The following KCNQ5 variants were observed in gnomAD, a reference collection of about 807,000 sequenced individuals.
KCNQ5 encodes the protein potassium voltage-gated channel subfamily Q member 5.
A neutral mutation model predicts 98.2 loss-of-function variants in KCNQ5; 30 were observed. The observed-to-expected ratio is 0.31, with a 90% CI of 0.23 to 0.41. The LOEUF (loss-of-function observed/expected upper bound fraction) is 0.41. Among genes scored for constraint, KCNQ5 ranks in the 10% least tolerant of loss-of-function variants. The pLI, the probability that KCNQ5 is intolerant of heterozygous loss-of-function variation, is 1.00. For missense variants in KCNQ5, 835 were observed against 1,182.5 expected (o/e 0.71, Z 4.31); for synonymous variants, 458 against 449.4 (o/e 1.02, Z -0.24).
intron 1 of KCNQ5, among the ~76,000 whole-genome samples, chr6:72,776,473 A>G (rs1395205541): frequency 6.6e-6 from 1 of 152,224 alleles, no homozygotes; most frequent in African/African-American, 2.4e-5. Context: ...GAGTGATGAA[A>G]TAGGGAATTT....
intron 1 of KCNQ5, among the ~76,000 whole-genome samples, chr6:72,740,763 C>G (rs906949095): frequency 2.6e-5 from 4 of 152,062 alleles, no homozygotes; most frequent in African/African-American, 9.7e-5. Flanking sequence ...GCTGCTGGTG[C>G]CATTTTGTGC....
At chr6:72,747,862 C>T (rs1189284125) in intron 1 of KCNQ5, among the ~76,000 whole-genome samples, 1 of 152,132 alleles carries the variant, frequency 6.6e-6, no homozygotes, top group Non-Finnish European at 1.5e-5. Context: ...CAAGATCCTA[C>T]TAGGTTTATA....
At chr6:72,956,020 T>TA (rs1338550351) in intron 1 of KCNQ5, among the ~76,000 whole-genome samples, 1 of 152,180 alleles carries the variant, frequency 6.6e-6, no homozygotes. Context: ...TATAATCTGA[T>TA]ATCACTGTTT....
chr6:73,119,804 A>T (rs1015896600), intron 7 of KCNQ5, among the ~76,000 whole-genome samples: 4 of 152,134 alleles, frequency 2.6e-5, no homozygotes, highest in Non-Finnish European at 4.4e-5. Flanking sequence ...TCGCTCACCT[A>T]ACTACTATCT....
intron 1 of KCNQ5, among the ~76,000 whole-genome samples, chr6:72,878,863 TTA>T (rs999224356): frequency 2.4e-4 from 36 of 152,324 alleles, no homozygotes; most frequent in African/African-American, 8.2e-4. Flanking sequence ...CTATATTAAA[TTA>T]TGTGATTAAA....
chr6:73,017,802 C>T (rs559565071), intron 2 of KCNQ5, among the ~76,000 whole-genome samples: 12 of 152,278 alleles, frequency 7.9e-5, no homozygotes, highest in Admixed American at 4.6e-4. Context: ...GTCTCAGCAT[C>T]ATGGGAAAAC....
intron 10 of KCNQ5, chr6:73,157,789 G>A (rs1370072786): frequency 9.0e-6 from 7 of 778,950 alleles, no homozygotes; most frequent in Non-Finnish European, 1.2e-5. Context: ...GGGATTTGGA[G>A]TTGCCATTAG....
At chr6:73,157,977 C>A (rs1018863846) in intron 10 of KCNQ5, 1 of 759,084 alleles carries the variant, frequency 1.3e-6, no homozygotes, top group Non-Finnish European at 2.4e-6. Context: ...CTCTTCATAC[C>A]CCTTGAACGG....
intron 1 of KCNQ5, among the ~76,000 whole-genome samples, chr6:72,931,811 G>A (rs1042650894): frequency 6.6e-6 from 1 of 152,104 alleles, no homozygotes; most frequent in Non-Finnish European, 1.5e-5. Context: ...GGCAAAAATT[G>A]GAGGACGATT....
chr6:73,180,775 G>A (rs915079085), intron 11 of KCNQ5, among the ~76,000 whole-genome samples: 1 of 152,192 alleles, frequency 6.6e-6, no homozygotes, highest in African/African-American at 2.4e-5. Flanking sequence ...TGATTCCAAA[G>A]AGCAGCCAAG....
At chr6:72,644,667 C>T (rs966667374) in intron 1 of KCNQ5, among the ~76,000 whole-genome samples, 3 of 152,090 alleles carry the variant, frequency 2.0e-5, no homozygotes, top group Non-Finnish European at 2.9e-5. Flanking sequence ...TTATCTTTAG[C>T]GAATAGGGCT....
chr6:73,142,230 AC>A (rs1386327853), intron 10 of KCNQ5, among the ~76,000 whole-genome samples: 91 of 149,114 alleles, frequency 6.1e-4, no homozygotes, highest in African/African-American at 2.1e-3. Context: ...CCAACCCTGT[AC>A]AGTGTAGGCA....
chr6:72,906,530 G>A, intron 1 of KCNQ5, among the ~76,000 whole-genome samples: 1 of 152,218 alleles, frequency 6.6e-6, no homozygotes, highest in East Asian at 1.9e-4. Flanking sequence ...GTGCCAGGCA[G>A]TGATGGCCTG....
chr6:72,650,255 T>C (rs1381355772), intron 1 of KCNQ5, among the ~76,000 whole-genome samples: 3 of 152,126 alleles, frequency 2.0e-5, no homozygotes, highest in African/African-American at 7.2e-5. Flanking sequence ...AGCTAAAGTG[T>C]ATAAAAACAG....
At chr6:73,037,615 C>T (rs529244896) in intron 2 of KCNQ5, among the ~76,000 whole-genome samples, 9 of 152,210 alleles carry the variant, frequency 5.9e-5, no homozygotes, top group African/African-American at 1.9e-4. Flanking sequence ...GTTGAGGGCC[C>T]TTCTTCCTCC....
At position 73,133,618 on chromosome 6, in the gene KCNQ5, C is replaced by A; in HGVS notation, c.1445C>A (p.Ser482Tyr). The change falls in exon 10 of 14, where the codon TCT (serine) becomes TAT (tyrosine). Residue 482 changes from serine to tyrosine, a missense_variant. By Grantham distance (144) the Ser-to-Tyr change is moderately radical. Coordinates refer to ENST00000370398, the MANE Select transcript of KCNQ5 (RefSeq NM_019842.4). ...CGGCCCTCGCTGCGCCTCAAAAGTT[C>A]TCAGCCAAAACCAGTGATAGATGGT... is the stretch of plus-strand genomic sequence containing the variant. ...RFRPSLRLKS[S>Y]QPKPVIDADT... The A allele has an allele frequency of 1.9e-6, 3 of 1,614,198 alleles. No individual in the cohort carries two copies. Among genetic ancestry groups the A allele is most frequent in the Non-Finnish European group, 2.5e-6 (3 of 1,180,036 alleles).
chr6:72,682,238 T>C (rs1307436751), intron 1 of KCNQ5, among the ~76,000 whole-genome samples: 1 of 152,212 alleles, frequency 6.6e-6, no homozygotes, highest in African/African-American at 2.4e-5. Context: ...ATATTGTTTT[T>C]AGGAACAAAA....
At chr6:73,008,802 T>TAAAC (rs1012773445) in intron 2 of KCNQ5, among the ~76,000 whole-genome samples, 1 of 152,126 alleles carries the variant, frequency 6.6e-6, no homozygotes, top group Admixed American at 6.6e-5. Flanking sequence ...AACAATAACA[T>TAAAC]AAACATTCTT....
intron 1 of KCNQ5, among the ~76,000 whole-genome samples, chr6:72,945,675 G>A (rs1007141796): frequency 6.6e-6 from 1 of 151,760 alleles, no homozygotes; most frequent in African/African-American, 2.4e-5. Flanking sequence ...GGCTGGTCTC[G>A]AACTTCTGGC....
Sources: allele counts gnomAD v4.1 joint callset (sites outside exome capture counted in the v4.1 genomes callset), GRCh38; gene constraint gnomAD v4.1.1; transcripts MANE v1.5; gene names NCBI Gene and HGNC (gene_info 2026-07-23, HGNC 2026-07-21).